The following SSR1 variants were observed in gnomAD, a reference collection of about 807,000 sequenced individuals.
The protein encoded by SSR1 is signal sequence receptor subunit 1, also known as translocon-associated protein subunit alpha.
In SSR1, 13 loss-of-function variants were observed where a neutral mutation model predicts 36.1. The observed-to-expected ratio is 0.36, with a 90% CI of 0.23 to 0.57. SSR1 has a LOEUF of 0.57. Among genes scored for constraint, SSR1 ranks in the 20% least tolerant of loss-of-function variants. SSR1 has a pLI of 0.81. For missense variants in SSR1, 291 were observed against 338.5 expected, an observed-to-expected ratio of 0.86 and a Z score of 1.10; for synonymous variants, 113 against 118.9, an observed-to-expected ratio of 0.95 and a Z score of 0.32.
rs1307208415 is a variant in SSR1, at chr6:7,286,942, C to T, written c.*2922G>A. The T allele has an allele frequency of 7.7e-6, 1 of 129,066 alleles. No homozygotes were observed. The highest frequency in any genetic ancestry group is 2.3e-4 in the East Asian group (1 of 4,440). 8.0% of individuals were successfully genotyped at this position (129,066 alleles called of 1,614,324 possible). ...AAAAAAAAAAAAAAAAAAAAAAGTA[C>T]TATGGAAGTACTTAAGTACATCTGA... On this transcript the variant is annotated 3_prime_UTR_variant, in exon 8 of 8. Transcript: ENST00000244763.
chr6:7,303,671 T>C lies in SSR1; in HGVS notation c.193-34A>G, dbSNP rs766465314. 1.2e-5 allele frequency: 17 copies of C among 1,470,288 alleles called. No homozygotes were observed. The African/African-American group carries it at 1.3e-4, about 11-fold the overall frequency. 91.1% of individuals were successfully genotyped at this position (1,470,288 alleles called of 1,614,324 possible). Reference sequence around the variant, plus strand: ...AAGAACAATTAAGAGGAGATTACTATGGGAGAAAAAAAAATCATTATTTAA... The same window carrying C: ...AAGAACAATTAAGAGGAGATTACTACGGGAGAAAAAAAAATCATTATTTAA... On this transcript the variant is annotated intron_variant, in intron 2 of 7. Transcript: ENST00000244763.
At chr6:7,294,219 T>TAA (rs67244901) in intron 7 of SSR1, among the ~76,000 whole-genome samples, 1 of 151,782 alleles carries the variant, frequency 6.6e-6, no homozygotes, top group Non-Finnish European at 1.5e-5. Flanking sequence ...TGTCTAGTTG[T>TAA]AAAAAAACAG....
intron 7 of SSR1, among the ~76,000 whole-genome samples, chr6:7,292,713 A>G (rs1757709569): frequency 7.1e-6 from 1 of 141,214 alleles, no homozygotes; most frequent in African/African-American, 2.6e-5. Context: ...CACAATTGTA[A>G]TTCCTCTCCT....
At chr6:7,299,069 G>A (rs976328037) in intron 4 of SSR1, among the ~76,000 whole-genome samples, 1 of 152,244 alleles carries the variant, frequency 6.6e-6, no homozygotes, top group South Asian at 2.1e-4. Flanking sequence ...GTACTCGGGG[G>A]CTGAGGCAGG....
intron 4 of SSR1, 93 bp from the exon 5 acceptor site, chr6:7,298,916 G>T: frequency 1.0e-6 from 1 of 954,714 alleles, no homozygotes; most frequent in Non-Finnish European, 1.6e-6. Flanking sequence ...CTAACAGATT[G>T]AATATAGCCT....
At chr6:7,292,451 C>G (rs183818264) in intron 7 of SSR1, among the ~76,000 whole-genome samples, 1 of 152,212 alleles carries the variant, frequency 6.6e-6, no homozygotes, top group Admixed American at 6.5e-5. Flanking sequence ...TGCTTAGGCC[C>G]CAGTGACTTC....
At chr6:7,310,224 ATTT>A (rs10633004) in intron 1 of SSR1, among the ~76,000 whole-genome samples, 195 bp from the exon 2 acceptor site, 1 of 139,368 alleles carries the variant, frequency 7.2e-6, no homozygotes, top group African/African-American at 2.7e-5. Flanking sequence ...CTGCATATCA[ATTT>A]TTTTTTTTTT....
rs143344839 is a variant in SSR1, at chr6:7,300,994, T to C, written c.543+316A>G. 9.6e-3 allele frequency among the ~76,000 whole-genome samples: 1,456 copies of C among 152,270 alleles called. 13 individuals carry two copies. Among genetic ancestry groups the C allele is most frequent in the Non-Finnish European group, 0.017 (1,134 of 68,026 alleles). On this transcript the variant is annotated intron_variant, in intron 4 of 7. Coordinates refer to ENST00000244763, the MANE Select transcript of SSR1 (RefSeq NM_003144.5). ...TAGACTCCATTGTGTGTCTTACTGC[T>C]CCTTTTCCCATTAAGATCCGGCTCA... is the stretch of plus-strand genomic sequence containing the variant.
At chr6:7,312,904 T>C in intron 1 of SSR1, 138 bp downstream of exon 1, 1 of 845,330 alleles carries the variant, frequency 1.2e-6, no homozygotes, top group Admixed American at 2.1e-5. Flanking sequence ...GAGCCTAGGC[T>C]TGGGGAGAGG....
At chr6:7,293,602 T>TG (rs1358203274) in intron 7 of SSR1, among the ~76,000 whole-genome samples, 1 of 152,116 alleles carries the variant, frequency 6.6e-6, no homozygotes, top group Non-Finnish European at 1.5e-5. Context: ...TTTGTAGAGA[T>TG]GGGGTCTCAC....
intron 4 of SSR1, among the ~76,000 whole-genome samples, chr6:7,300,122 G>C (rs915729160): frequency 6.6e-6 from 1 of 152,074 alleles, no homozygotes; most frequent in Non-Finnish European, 1.5e-5. Flanking sequence ...AGTAATAACT[G>C]TAAGTTATTA....
rs1211412298 is a variant in SSR1 at position 7,285,128 on chromosome 6, A to G, written c.*4736T>C. Reference sequence around the variant, plus strand: ...CCTAATTGTGAACTAGAAGCTGGGGATGAAAAACAAGCCAGATACAGAGCT... The same window carrying G: ...CCTAATTGTGAACTAGAAGCTGGGGGTGAAAAACAAGCCAGATACAGAGCT... On this transcript the variant is annotated 3_prime_UTR_variant, in exon 8 of 8. Coordinates refer to ENST00000244763, the MANE Select transcript of SSR1 (RefSeq NM_003144.5). The surrounding 1 kb of genome is among the most constrained non-coding windows in gnomAD (Gnocchi z 4.1). The G allele has an allele frequency of 6.6e-6, 1 of 152,228 alleles. No individual in the cohort carries two copies. The highest frequency in any genetic ancestry group is 2.4e-5 in the African/African-American group (1 of 41,452). The allele number at this position is 152,228 out of a possible 1,614,324, so 9.4% of individuals were successfully genotyped here.
chr6:7,291,026 A>T (rs926161752), intron 7 of SSR1, among the ~76,000 whole-genome samples: 2 of 152,138 alleles, frequency 1.3e-5, no homozygotes, highest in Non-Finnish European at 2.9e-5. Flanking sequence ...CTGGGATTAC[A>T]GGCACACACT....
intron 1 of SSR1, among the ~76,000 whole-genome samples, chr6:7,311,308 A>G (rs1424788235): frequency 6.6e-6 from 1 of 152,242 alleles, no homozygotes; most frequent in Non-Finnish European, 1.5e-5. Flanking sequence ...AAGAATTTCA[A>G]AGTTCTAGTG....
intron 7 of SSR1, among the ~76,000 whole-genome samples, chr6:7,291,834 G>A (rs764666359): frequency 6.6e-5 from 10 of 152,140 alleles, no homozygotes; most frequent in African/African-American, 1.9e-4. Flanking sequence ...CACTTTGGGC[G>A]GCTGAGGTAG....
chr6:7,283,606 C>G lies in SSR1; in HGVS notation c.*6258G>C, dbSNP rs564714736. 1.3e-5 allele frequency: 2 copies of G among 152,340 alleles called. No homozygotes were observed. Among genetic ancestry groups the G allele is most frequent in the East Asian group, 3.9e-4 (2 of 5,186 alleles). The allele number at this position is 152,340 out of a possible 1,614,324, so 9.4% of individuals were successfully genotyped here. A position where few individuals can be genotyped will look rare whatever the true frequency, so the allele number is the denominator to read the frequency against. Reference sequence around the variant, plus strand: ...ATGTTGGCCAGGCTGGTCTTGAACTCCTGACCTAAAGTGATCCACCCACCT... The same window carrying G: ...ATGTTGGCCAGGCTGGTCTTGAACTGCTGACCTAAAGTGATCCACCCACCT... On this transcript the variant is annotated 3_prime_UTR_variant, in exon 8 of 8. Coordinates refer to ENST00000244763, the MANE Select transcript of SSR1 (RefSeq NM_003144.5).
In SSR1 at chr6:7,301,621, C is replaced by T. The variant is rs921703644; in HGVS notation, c.281-49G>A. 3.9e-6 allele frequency: 6 copies of T among 1,542,430 alleles called. No individual in the cohort carries two copies. In the Admixed American group the frequency reaches 7.8e-5, roughly 20 times the overall value. ...AAAATTAGAACACATGGAAAGAGCA[C>T]AAAATATTTAAAAAGGCATTACTAA... is the stretch of plus-strand genomic sequence containing the variant. On this transcript the variant is annotated intron_variant, in intron 3 of 7. Coordinates refer to ENST00000244763, the MANE Select transcript of SSR1 (RefSeq NM_003144.5).
chr6:7,292,609 C>A (rs1371375207), intron 7 of SSR1, among the ~76,000 whole-genome samples: 1 of 152,028 alleles, frequency 6.6e-6, no homozygotes, highest in Admixed American at 6.6e-5. Context: ...TGGATTCGAA[C>A]TTCTGGGCTC....
intron 7 of SSR1, among the ~76,000 whole-genome samples, chr6:7,294,549 G>C (rs2113278486): frequency 6.6e-6 from 1 of 152,266 alleles, no homozygotes; most frequent in East Asian, 1.9e-4. Context: ...AAATTAGCCG[G>C]GCGTGGTGGC....
Sources: gnomAD v4.1 joint callset for allele counts (sites outside exome capture counted in the v4.1 genomes callset) on GRCh38, gnomAD v4.1.1 for gene constraint, Gnocchi (gnomAD v3.1) non-coding constraint, MANE v1.5 for transcripts, NCBI Gene and HGNC (gene_info 2026-07-23, HGNC 2026-07-21) for gene names.